The following PID1 variants were observed in gnomAD, a reference collection of about 807,000 sequenced individuals.
PID1 encodes the protein PTB-containing, cubilin and LRP1-interacting protein.
Under a neutral mutation model 19.1 loss-of-function variants are expected in PID1, and 10 were observed. That is an observed-to-expected ratio of 0.52 (90% CI 0.32 to 0.89). The LOEUF is 0.89. Ranked by LOEUF, PID1 falls within the 40% of genes least tolerant of loss-of-function variation. The pLI is 0.03. For synonymous variants in PID1, 130 were observed against 116.0 expected, an observed-to-expected ratio of 1.12 and a Z score of -0.78; for missense variants, 248 against 285.3, an observed-to-expected ratio of 0.87 and a Z score of 0.94.
At chr2:229,047,989 C>G (rs1329687282) in intron 2 of PID1, among the ~76,000 whole-genome samples, 1 of 152,156 alleles carries the variant, frequency 6.6e-6, no homozygotes, top group Non-Finnish European at 1.5e-5. Flanking sequence ...GTGAAGAAAC[C>G]AAGATGTCCC....
chr2:229,063,649 T>A (rs1008626594), intron 2 of PID1, among the ~76,000 whole-genome samples: 6 of 152,154 alleles, frequency 3.9e-5, no homozygotes, highest in Non-Finnish European at 7.4e-5. Context: ...ATTTGATCTA[T>A]AATGTTATTA....
chr2:229,252,351 T>C (rs1198799923), intron 1 of PID1, among the ~76,000 whole-genome samples: 1 of 152,248 alleles, frequency 6.6e-6, no homozygotes, highest in African/African-American at 2.4e-5. Flanking sequence ...ACTTGCAAAG[T>C]TGGGATCCCT....
intron 2 of PID1, among the ~76,000 whole-genome samples, chr2:229,152,396 G>A (rs555351537): frequency 6.6e-6 from 1 of 152,208 alleles, no homozygotes; most frequent in East Asian, 1.9e-4. Context: ...TTGGCTATAG[G>A]TTGCATCCCC....
chr2:229,098,514 G>A (rs575830890), intron 2 of PID1, among the ~76,000 whole-genome samples: 7 of 152,146 alleles, frequency 4.6e-5, no homozygotes, highest in South Asian at 2.1e-4. Flanking sequence ...TCGTGTGCCC[G>A]TAATTTTCTA....
intron 2 of PID1, among the ~76,000 whole-genome samples, chr2:229,142,098 T>A (rs781303748): frequency 2.0e-5 from 3 of 152,140 alleles, no homozygotes; most frequent in Non-Finnish European, 2.9e-5. Context: ...CATATCTTAT[T>A]TGTTACCATT....
intron 2 of PID1, among the ~76,000 whole-genome samples, chr2:229,144,216 A>C (rs1182116011): frequency 6.6e-6 from 1 of 152,116 alleles, no homozygotes; most frequent in Admixed American, 6.6e-5. Context: ...GGAGTAAAGC[A>C]AAAAAGGGGA....
chr2:229,234,702 GC>G (rs1692287355), intron 1 of PID1, among the ~76,000 whole-genome samples: 1 of 152,100 alleles, frequency 6.6e-6, no homozygotes, highest in African/African-American at 2.4e-5. Context: ...AGAATGGGGG[GC>G]CATTTGCCTA....
chr2:229,082,406 T>A (rs1694685541), intron 2 of PID1, among the ~76,000 whole-genome samples: 1 of 152,238 alleles, frequency 6.6e-6, no homozygotes, highest in Non-Finnish European at 1.5e-5. Flanking sequence ...GTGATTATGT[T>A]ATATCACACA....
At chr2:229,175,841 A>C (rs1310457351) in intron 1 of PID1, among the ~76,000 whole-genome samples, 8 of 152,200 alleles carry the variant, frequency 5.3e-5, no homozygotes, top group African/African-American at 1.9e-4. Flanking sequence ...CATTCGCCAC[A>C]TTTAAATATC....
intron 1 of PID1, among the ~76,000 whole-genome samples, chr2:229,181,782 G>A (rs1295583760): frequency 6.6e-6 from 1 of 152,218 alleles, no homozygotes; most frequent in East Asian, 1.9e-4. Flanking sequence ...CTTAAGTGAT[G>A]AAGACTTAAG....
chr2:229,080,263 G>C (rs1694643064), intron 2 of PID1, among the ~76,000 whole-genome samples: 1 of 152,182 alleles, frequency 6.6e-6, no homozygotes, highest in African/African-American at 2.4e-5. Flanking sequence ...CAAGGCACTT[G>C]AGGCTTTCTG....
intron 1 of PID1, among the ~76,000 whole-genome samples, chr2:229,177,641 G>A (rs1690851673): frequency 6.6e-6 from 1 of 151,944 alleles, no homozygotes; most frequent in Non-Finnish European, 1.5e-5. Context: ...TGTTGTTTTA[G>A]ACTTCTGATA....
At chr2:229,071,616 G>C (rs1175954626) in intron 2 of PID1, among the ~76,000 whole-genome samples, 4 of 152,112 alleles carry the variant, frequency 2.6e-5, no homozygotes, top group Non-Finnish European at 2.9e-5. Context: ...TGCCACACAT[G>C]GATTCATGCA....
rs55671350 is a variant in PID1, at chr2:229,098,310, C to T, written c.177+57508G>A. ...TTTAAGTTTGTTTCACCCATCAGCA[C>T]GATGTACAAAGCAAAAGATAAAAGG... On this transcript the variant is annotated intron_variant, in intron 2 of 2. Transcript: ENST00000392055. 2.5e-3 allele frequency among the ~76,000 whole-genome samples: 384 copies of T among 152,128 alleles called. 1 individual carries two copies. The highest frequency in any genetic ancestry group is 4.4e-3 in the Admixed American group (67 of 15,280).
At chr2:229,092,169 C>T (rs1405226432) in intron 2 of PID1, among the ~76,000 whole-genome samples, 1 of 112,580 alleles carries the variant, frequency 8.9e-6, no homozygotes, top group Non-Finnish European at 1.7e-5. Flanking sequence ...GGGCTTATAA[C>T]CCTCAAACTC....
At chr2:229,140,751 T>C (rs1689994755) in intron 2 of PID1, among the ~76,000 whole-genome samples, 2 of 152,302 alleles carry the variant, frequency 1.3e-5, no homozygotes, top group South Asian at 4.1e-4. Flanking sequence ...ATGTAGCTCA[T>C]GCCAACATTT....
At chr2:229,173,346 T>G (rs1690749131) in intron 1 of PID1, among the ~76,000 whole-genome samples, 1 of 152,146 alleles carries the variant, frequency 6.6e-6, no homozygotes, top group Non-Finnish European at 1.5e-5. Context: ...CAATTCTACT[T>G]TGTGTTTGGT....
At chr2:229,089,315 A>G (rs1318596203) in intron 2 of PID1, among the ~76,000 whole-genome samples, 2 of 152,222 alleles carry the variant, frequency 1.3e-5, no homozygotes, top group Non-Finnish European at 2.9e-5. Context: ...AGTAGTTAAA[A>G]TGGACTTTGG....
At chr2:229,040,873 A>G (rs190606790) in intron 2 of PID1, among the ~76,000 whole-genome samples, 102 of 152,318 alleles carry the variant, frequency 6.7e-4, no homozygotes, top group Middle Eastern at 3.4e-3. Flanking sequence ...AAAAGTAGCT[A>G]TATAGTAAAT....
Sources: gnomAD v4.1 joint callset for allele counts (sites outside exome capture counted in the v4.1 genomes callset) on GRCh38, gnomAD v4.1.1 for gene constraint, MANE v1.5 for transcripts, NCBI Gene and HGNC (gene_info 2026-07-23, HGNC 2026-07-21) for gene names.